Variants in CAST observed in about 807,000 individuals in gnomAD.
The protein encoded by CAST is calpastatin, also known as MIR583 host.
CAST carries 76 observed loss-of-function variants against 119.6 expected under a neutral mutation model. The ratio of observed to expected loss-of-function variants is 0.64; its 90% CI spans 0.53 to 0.77. CAST has a LOEUF of 0.77. Ranked by LOEUF, CAST falls within the 30% of genes least tolerant of loss-of-function variation. The probability of loss-of-function intolerance (pLI) is 0.00; values close to 1 mark genes in which losing one functional copy is unlikely to be tolerated. For missense variants in CAST, 953 were observed against 946.5 expected (o/e 1.01, Z -0.09); for synonymous variants, 319 against 331.6 (o/e 0.96, Z 0.41).
the CAST span, among the ~76,000 whole-genome samples, chr5:96,388,893 A>C: frequency 6.6e-6 from 1 of 152,150 alleles, no homozygotes; most frequent in Non-Finnish European, 1.5e-5. Flanking sequence ...ATATACATAT[A>C]TATACACACA....
chr5:96,689,251 T>C (rs1752442299), intron 2 of CAST, among the ~76,000 whole-genome samples: 1 of 152,204 alleles, frequency 6.6e-6, no homozygotes. Context: ...ATCCCCACCC[T>C]TGTAGGGACA....
the CAST span, among the ~76,000 whole-genome samples, chr5:96,083,042 G>T: frequency 6.6e-6 from 1 of 152,106 alleles, no homozygotes; most frequent in African/African-American, 2.4e-5. Flanking sequence ...TAGGGTATTT[G>T]GCTTTCATGA....
chr5:96,449,379 G>A, the CAST span, among the ~76,000 whole-genome samples: 4,733 of 152,260 alleles, frequency 0.031, 224 homozygotes, highest in African/African-American at 0.1. Context: ...CTGCACATGC[G>A]AGGAATCTGG....
chr5:96,456,314 T>G, the CAST span, among the ~76,000 whole-genome samples: 2 of 152,206 alleles, frequency 1.3e-5, no homozygotes, highest in Non-Finnish European at 2.9e-5. Context: ...GGGGCCAATA[T>G]TTAGTGAGCT....
chr5:96,192,106 A>AGG, the CAST span, among the ~76,000 whole-genome samples: 1 of 152,138 alleles, frequency 6.6e-6, no homozygotes, highest in African/African-American at 2.4e-5. Context: ...ATAACTAAGG[A>AGG]GGATATAAGG....
chr5:96,741,316 C>G lies in CAST; in HGVS notation c.969C>G (p.Thr323=), dbSNP rs758114747. ...TAGACGCCTTGTCATCTGACTTCAC[C>G]TGTGGGTCGCCTACAGCTGCTGGAA... The part of the protein sequence containing the change: ...DAIDALSSDF[T]CGSPTAAGKK... Residue 323 remains threonine, a synonymous_variant, in exon 14 of 32, where the codon ACC becomes ACG. Transcript: ENST00000675179. The G allele has an allele frequency of 6.2e-7, 1 of 1,613,392 alleles. No homozygotes were observed. Among genetic ancestry groups the G allele is most frequent in the Non-Finnish European group, 8.5e-7 (1 of 1,179,380 alleles).
the CAST span, among the ~76,000 whole-genome samples, chr5:96,086,749 AC>A: frequency 6.6e-6 from 1 of 152,102 alleles, no homozygotes; most frequent in Admixed American, 6.5e-5. Flanking sequence ...TATCAGGATA[AC>A]CCCGGTGAAT....
chr5:96,014,066 G>C, the CAST span, among the ~76,000 whole-genome samples: 1 of 150,064 alleles, frequency 6.7e-6, no homozygotes, highest in East Asian at 1.9e-4. Context: ...ATAATACTTA[G>C]CTTAAAACAC....
chr5:96,179,435 T>C, the CAST span, among the ~76,000 whole-genome samples: 1 of 152,212 alleles, frequency 6.6e-6, no homozygotes, highest in African/African-American at 2.4e-5. Context: ...AACCTCTTCC[T>C]GACCCTCATC....
chr5:96,120,661 T>A, the CAST span, among the ~76,000 whole-genome samples: 35 of 147,860 alleles, frequency 2.4e-4, no homozygotes, highest in Non-Finnish European at 3.9e-4. Context: ...ATATATAATA[T>A]ACATATATAA....
At chr5:96,381,236 TA>T in the CAST span, among the ~76,000 whole-genome samples, 1 of 152,162 alleles carries the variant, frequency 6.6e-6, no homozygotes, top group Non-Finnish European at 1.5e-5. Context: ...TTATTTTTCA[TA>T]AAAATATGTT....
the CAST span, among the ~76,000 whole-genome samples, chr5:96,107,368 T>G: frequency 6.6e-6 from 1 of 152,222 alleles, no homozygotes; most frequent in Non-Finnish European, 1.5e-5. Context: ...GTGCCAGTTG[T>G]TCCTTTCCAT....
At chr5:96,534,792 A>G (rs1158698953) in intron 1 of CAST, among the ~76,000 whole-genome samples, 4 of 129,244 alleles carry the variant, frequency 3.1e-5, no homozygotes, top group African/African-American at 1.2e-4. Flanking sequence ...AAAGAAAGAA[A>G]GAAAGAAAGA....
chr5:96,639,271 A>G (rs1317194016), intron 1 of CAST, among the ~76,000 whole-genome samples: 1 of 152,202 alleles, frequency 6.6e-6, no homozygotes, highest in African/African-American at 2.4e-5. Context: ...GGAAGAGGGC[A>G]GAGGCAGGCA....
At chr5:96,769,090 TAGAA>T (rs1771166464) in intron 29 of CAST, 1 of 152,222 alleles carries the variant, frequency 6.6e-6, no homozygotes, top group Non-Finnish European at 1.5e-5. Context: ...GTAAATCAAA[TAGAA>T]GGAAACGTGA....
chr5:95,975,358 T>C, the CAST span, among the ~76,000 whole-genome samples: 3 of 152,154 alleles, frequency 2.0e-5, no homozygotes, highest in South Asian at 2.1e-4. Flanking sequence ...TTTAGGTCCC[T>C]GGGCCCCAGC....
At chr5:96,714,890 A>C (rs933814661) in intron 3 of CAST, 2 of 152,194 alleles carry the variant, frequency 1.3e-5, no homozygotes, top group Non-Finnish European at 2.9e-5. Flanking sequence ...GCTCAACTTC[A>C]TGCCTTAAAT....
the CAST span, among the ~76,000 whole-genome samples, chr5:96,102,723 GTT>G: frequency 2.1e-5 from 3 of 142,190 alleles, no homozygotes; most frequent in Non-Finnish European, 4.6e-5. Flanking sequence ...TTTTCTTGGG[GTT>G]TTTTTTTTTT....
At chr5:96,363,297 A>T in the CAST span, among the ~76,000 whole-genome samples, 4 of 149,286 alleles carry the variant, frequency 2.7e-5, no homozygotes, top group African/African-American at 1.0e-4. Flanking sequence ...CTTTTGGCTT[A>T]GGATTGACTT....
Sources: gnomAD v4.1 joint callset for allele counts (sites outside exome capture counted in the v4.1 genomes callset) on GRCh38, gnomAD v4.1.1 for gene constraint, MANE v1.5 for transcripts, NCBI Gene and HGNC (gene_info 2026-07-23, HGNC 2026-07-21) for gene names.